Variants in PADI2 observed in about 807,000 individuals in gnomAD.
PADI2 encodes peptidyl arginine deiminase 2.
In PADI2, 70 loss-of-function variants were observed where a neutral mutation model predicts 81.1. The observed-to-expected ratio is 0.86, with a 90% CI of 0.71 to 1.05. PADI2 has a LOEUF of 1.05. Ranked by LOEUF, PADI2 falls within the 50% of genes least tolerant of loss-of-function variation. The probability of loss-of-function intolerance (pLI) is 0.00; values close to 1 mark genes in which losing one functional copy is unlikely to be tolerated. For missense variants in PADI2, 853 were observed against 889.9 expected (o/e 0.96, Z 0.53); for synonymous variants, 338 against 358.0 (o/e 0.94, Z 0.63).
Position 17,082,859 on chromosome 1 carries a change from T to C in PADI2, c.1051-207A>G, listed in dbSNP as rs1487301366. The C allele has an allele frequency of 4.5e-5, 21 of 470,056 alleles. 1 individual carries two copies. The highest frequency in any genetic ancestry group is 7.8e-5 in the Non-Finnish European group (21 of 267,728). The allele number at this position is 470,056 out of a possible 1,614,324, so 29.1% of individuals were successfully genotyped here. ...CTCTGCACATCACAGGCAGGTTTCTTACCGATATCAGCCCCATTTTTTTTT... is the reference window on the plus strand; with the variant it reads ...CTCTGCACATCACAGGCAGGTTTCTCACCGATATCAGCCCCATTTTTTTTT... On this transcript the variant is annotated intron_variant, in intron 9 of 15. Transcript: ENST00000375486.
At chr1:17,104,520 C>T (rs546048796) in intron 2 of PADI2, among the ~76,000 whole-genome samples, 50 of 120,072 alleles carry the variant, frequency 4.2e-4, no homozygotes, top group East Asian at 2.6e-3. Flanking sequence ...CTGCAAGCTC[C>T]GCCTCCCGGG....
In PADI2 at chr1:17,074,078, CCTTTT is replaced by C. The variant is rs150110733; in HGVS notation, c.1549+773_1549+777del. Among the ~76,000 whole-genome samples the C allele has an allele frequency of 5.1e-3, 784 of 152,268 alleles. 7 individuals are homozygous for C. Among genetic ancestry groups the C allele is most frequent in the African/African-American group, 0.018 (739 of 41,554 alleles). ...TTGAATGCAGATTGCACATCAGTTT[CCTTTT>C]CTTTTTCAAAATTTTTATTATAGAG... On this transcript the variant is annotated intron_variant, in intron 13 of 15. Coordinates refer to ENST00000375486, the MANE Select transcript of PADI2 (RefSeq NM_007365.3).
At chr1:17,070,256 G>T in intron 14 of PADI2, 40 bp from the exon 15 acceptor site, 2 of 1,607,452 alleles carry the variant, frequency 1.2e-6, no homozygotes, top group African/African-American at 2.7e-5. Flanking sequence ...AGGTGAGGGG[G>T]ACACACACCG....
intron 12 of PADI2, 150 bp from the exon 13 acceptor site, chr1:17,075,099 T>C: frequency 1.8e-6 from 1 of 556,948 alleles, no homozygotes; most frequent in Non-Finnish European, 3.2e-6. Flanking sequence ...GAGGGTGTTC[T>C]CTGCTTCAGA....
At chr1:17,083,513 A>G in intron 9 of PADI2, 1 of 553,692 alleles carries the variant, frequency 1.8e-6, no homozygotes, top group Non-Finnish European at 3.2e-6. Flanking sequence ...CCACAGATGG[A>G]CATTTAGGTT....
intron 11 of PADI2, chr1:17,079,046 GT>G (rs1320709554): frequency 9.6e-6 from 4 of 418,268 alleles, no homozygotes; most frequent in Non-Finnish European, 1.7e-5. Context: ...GGGGAAAAGA[GT>G]TGTTTATTTA....
chr1:17,104,776 C>G (rs994412669), intron 2 of PADI2, 102 bp downstream of exon 2: 1 of 1,026,096 alleles, frequency 9.7e-7, no homozygotes, highest in Admixed American at 2.6e-5. Flanking sequence ...CTGAAAATGA[C>G]ACATGGCCCA....
chr1:17,102,992 G>C lies in PADI2; in HGVS notation c.344C>G (p.Ala115Gly). ...CGGCAACCATGCCAACTCACCAATG[G>C]CTGTGAGGAAGAGCCCCGCCTGGTC... ...PIDQAGLFLT[A>G]IEISLDVDAD... The change falls in exon 3 of 16, where the codon GCC becomes GGC. Residue 115 changes from alanine (A) to glycine (G), a missense_variant. Coordinates refer to ENST00000375486, the MANE Select transcript of PADI2 (RefSeq NM_007365.3). The C allele has an allele frequency of 6.2e-7, 1 of 1,609,766 alleles. No homozygotes were observed. The highest frequency in any genetic ancestry group is 8.5e-7 in the Non-Finnish European group (1 of 1,177,376).
At chr1:17,078,101 T>C (rs912058436) in intron 11 of PADI2, among the ~76,000 whole-genome samples, 3 of 152,156 alleles carry the variant, frequency 2.0e-5, no homozygotes, top group African/African-American at 7.2e-5. Flanking sequence ...ATTTATTTAA[T>C]ATTTTATTTT....
chr1:17,093,076 T>C (rs1930763146), intron 5 of PADI2, among the ~76,000 whole-genome samples: 1 of 151,900 alleles, frequency 6.6e-6, no homozygotes. Context: ...TCTATTTTCT[T>C]TTTATTCTTC....
chr1:17,110,561 A>G (rs1040117026), intron 1 of PADI2, among the ~76,000 whole-genome samples: 1 of 152,176 alleles, frequency 6.6e-6, no homozygotes, highest in Non-Finnish European at 1.5e-5. Flanking sequence ...GCCTACCCAT[A>G]CAAGAATATC....
intron 12 of PADI2, 192 bp from the exon 13 acceptor site, chr1:17,075,141 A>C: frequency 2.0e-6 from 1 of 509,124 alleles, no homozygotes; most frequent in East Asian, 3.4e-5. Flanking sequence ...CTACCTCAGC[A>C]ATGTCACCAG....
At chr1:17,114,514 T>C (rs1301403672) in intron 1 of PADI2, among the ~76,000 whole-genome samples, 1 of 152,108 alleles carries the variant, frequency 6.6e-6, no homozygotes, top group Non-Finnish European at 1.5e-5. Flanking sequence ...ACCTAACTCA[T>C]AAAGTTGTTG....
rs1930785058 is a variant in PADI2, at chr1:17,093,541, C to T, written c.529+26G>A. 5 of 1,415,996 alleles carry T rather than the reference C, an allele frequency of 3.5e-6. No homozygotes were observed. The South Asian group carries it at 4.6e-5, about 13-fold the overall frequency. The allele number at this position is 1,415,996 out of a possible 1,614,324, so 87.7% of individuals were successfully genotyped here. ...AATCTTTTCACTCCTCTCATCCTGC[C>T]CCCCAAGTGCAGGGCCTGCTGGCAC... On this transcript the variant is annotated intron_variant, in intron 5 of 15. Coordinates refer to ENST00000375486, the MANE Select transcript of PADI2 (RefSeq NM_007365.3).
At chr1:17,095,730 C>T (rs1409653691) in intron 4 of PADI2, among the ~76,000 whole-genome samples, 179 bp downstream of exon 4, 1 of 152,196 alleles carries the variant, frequency 6.6e-6, no homozygotes, top group African/African-American at 2.4e-5. Context: ...TGCTCTGTTG[C>T]CGTCTCTAGG....
In PADI2 at chr1:17,092,498, T is replaced by A. The variant is rs370748791; in HGVS notation, c.565A>T (p.Lys189Ter). Residue 189 changes from lysine to a stop codon, truncating the protein, a stop_gained, in exon 6 of 16, where the codon AAA (lysine) becomes TAA (stop). Coordinates refer to ENST00000375486, the MANE Select transcript of PADI2 (RefSeq NM_007365.3). LOFTEE classifies it high-confidence loss of function. ...KDMSQMILRT[K>*]GPDRLPAGYE... Reference sequence around the variant, plus strand: ...CCGGCGGGGAGGCGGTCGGGGCCTTTGGTCCGCAGGATCATCTGGGACATG... The same window carrying A: ...CCGGCGGGGAGGCGGTCGGGGCCTTAGGTCCGCAGGATCATCTGGGACATG... 5.2e-5 allele frequency: 84 copies of A among 1,605,842 alleles called. No homozygotes were observed. The African/African-American group carries it at 8.9e-4, about 17-fold the overall frequency.
At chr1:17,073,184 G>A (rs556269808) in intron 13 of PADI2, among the ~76,000 whole-genome samples, 7 of 152,268 alleles carry the variant, frequency 4.6e-5, no homozygotes, top group South Asian at 4.1e-4. Context: ...TTGGGAGGCC[G>A]AGGCGGGTGG....
Position 17,119,385 on chromosome 1 carries a change from G to A in PADI2, c.-14C>T. ...CTCGCGCAGCATCCTCCCCGCCGCA[G>A]TGCCCGCGCTCGCTGGTCCGGGGCG... On this transcript the variant is annotated 5_prime_UTR_variant, in exon 1 of 16. Transcript: ENST00000375486. The surrounding 1 kb of genome is among the most constrained non-coding windows in gnomAD (Gnocchi z 4.8). The A allele has an allele frequency of 1.3e-6, 2 of 1,523,408 alleles. No individual in the cohort carries two copies. Among genetic ancestry groups the A allele is most frequent in the South Asian group, 2.5e-5 (2 of 81,278 alleles). The allele number at this position is 1,523,408 out of a possible 1,614,324, so 94.4% of individuals were successfully genotyped here.
In PADI2 at chr1:17,086,689, G is replaced by A. The variant is rs141669259; in HGVS notation, c.666C>T (p.Phe222=). Residue 222 remains phenylalanine, a synonymous_variant, in exon 7 of 16, where the codon TTC becomes TTT. Transcript: ENST00000375486. The part of the protein sequence containing the change: ...VGVFYVENPF[F]GQRYIHILGR... ...CCAGGATGTGGATATAGCGTTGGCCGAAGAACGGGTCTGGAGGGAAAAGGA... is the reference window on the plus strand; with the variant it reads ...CCAGGATGTGGATATAGCGTTGGCCAAAGAACGGGTCTGGAGGGAAAAGGA... 1.4e-5 allele frequency: 23 copies of A among 1,613,638 alleles called. No homozygotes were observed. The African/African-American group carries it at 1.9e-4, about 13-fold the overall frequency.
Sources: allele counts gnomAD v4.1 joint callset (sites outside exome capture counted in the v4.1 genomes callset), GRCh38; gene constraint gnomAD v4.1.1; non-coding constraint Gnocchi (gnomAD v3.1); transcripts MANE v1.5; gene names NCBI Gene and HGNC (gene_info 2026-07-23, HGNC 2026-07-21).